DISC1: variants seen among roughly 807,000 people sequenced by gnomAD.
DISC1 encodes DISC1 scaffold protein, also known as disrupted in schizophrenia 1 protein.
DISC1 carries 57 observed loss-of-function variants against 84.5 expected under a neutral mutation model. The observed-to-expected ratio is 0.67, with a 90% CI of 0.55 to 0.84. DISC1 has a LOEUF of 0.84. Among genes scored for constraint, DISC1 ranks in the 40% least tolerant of loss-of-function variants. DISC1 has a pLI of 0.00. For synonymous variants in DISC1, 411 were observed against 415.2 expected, an observed-to-expected ratio of 0.99 and a Z score of 0.12; for missense variants, 1,000 against 1,057.8, an observed-to-expected ratio of 0.95 and a Z score of 0.76.
intron 9 of DISC1, among the ~76,000 whole-genome samples, chr1:231,898,064 A>C (rs939064432): frequency 6.6e-6 from 1 of 152,222 alleles, no homozygotes; most frequent in Admixed American, 6.5e-5. Context: ...CACATTAGAC[A>C]AAACAGCAAG....
chr1:231,849,400 G>A (rs779205897), intron 9 of DISC1, among the ~76,000 whole-genome samples: 18 of 152,274 alleles, frequency 1.2e-4, no homozygotes, highest in East Asian at 9.7e-4. Flanking sequence ...GATTACAGGC[G>A]TGAGCCACCG....
intron 6 of DISC1, among the ~76,000 whole-genome samples, chr1:231,787,461 A>G (rs1283664305): frequency 6.6e-6 from 1 of 152,030 alleles, no homozygotes; most frequent in African/African-American, 2.4e-5. Flanking sequence ...AGAGAGAGAA[A>G]GAGAGAGACA....
intron 4 of DISC1, among the ~76,000 whole-genome samples, chr1:231,766,486 G>A (rs1294926417): frequency 1.3e-5 from 2 of 152,094 alleles, no homozygotes; most frequent in African/African-American, 4.8e-5. Context: ...GATTGTGGGA[G>A]AAAATCTTCT....
chr1:231,950,204 CTGTGTGTGTGTGTGTGTGTGTGTGTG>C (rs59801477), intron 9 of DISC1, among the ~76,000 whole-genome samples: 6 of 139,440 alleles, frequency 4.3e-5, no homozygotes, highest in African/African-American at 1.1e-4. Context: ...AAAAAAAATT[CTGTGTGTGTGTGTGTGTGTGTGTGTG>C]TGTGTGTGTG....
At chr1:231,926,771 T>A (rs977228814) in intron 9 of DISC1, among the ~76,000 whole-genome samples, 1 of 152,110 alleles carries the variant, frequency 6.6e-6, no homozygotes, top group Non-Finnish European at 1.5e-5. Context: ...GGGCAGAGAT[T>A]TATTCCTCCA....
At chr1:231,724,196 T>G in intron 3 of DISC1, 1 of 308,928 alleles carries the variant, frequency 3.2e-6, no homozygotes, top group Non-Finnish European at 4.7e-6. Flanking sequence ...GCAGGGCTGC[T>G]TCCCTGGGCT....
intron 10 of DISC1, among the ~76,000 whole-genome samples, chr1:231,959,866 G>A (rs1413875300): frequency 6.6e-6 from 1 of 152,218 alleles, no homozygotes; most frequent in East Asian, 1.9e-4. Context: ...TCCGCTCTGA[G>A]TCTGGCCTTC....
At chr1:231,995,153 A>T (rs1373851237) in intron 10 of DISC1, among the ~76,000 whole-genome samples, 3 of 149,752 alleles carry the variant, frequency 2.0e-5, no homozygotes, top group African/African-American at 7.3e-5. Context: ...TAATAACAAC[A>T]TTTTTTTTTT....
chr1:231,895,002 A>T (rs1416739491), intron 9 of DISC1, among the ~76,000 whole-genome samples: 1 of 151,762 alleles, frequency 6.6e-6, no homozygotes, highest in Admixed American at 6.6e-5. Flanking sequence ...GGGAATATTT[A>T]ATCAATTTAT....
intron 3 of DISC1, chr1:231,723,850 C>T: frequency 1.0e-6 from 1 of 985,424 alleles, no homozygotes; most frequent in Non-Finnish European, 1.2e-6. Context: ...GCTACATCTT[C>T]TTACCCAAAC....
chr1:231,959,733 G>A (rs111623310), intron 10 of DISC1, among the ~76,000 whole-genome samples: 23 of 152,278 alleles, frequency 1.5e-4, no homozygotes, highest in African/African-American at 4.6e-4. Context: ...TTGGAAAGCC[G>A]TCCTATAACC....
chr1:231,742,885 T>C (rs1038862172), intron 3 of DISC1, among the ~76,000 whole-genome samples: 4 of 152,186 alleles, frequency 2.6e-5, no homozygotes, highest in Non-Finnish European at 5.9e-5. Context: ...GAGCAACACT[T>C]TGTCTTAAAA....
intron 8 of DISC1, among the ~76,000 whole-genome samples, chr1:231,814,421 C>T (rs1311090153): frequency 1.3e-5 from 2 of 152,196 alleles, no homozygotes; most frequent in East Asian, 1.9e-4. Context: ...GAATTTTTAT[C>T]TTATACTTAA....
intron 4 of DISC1, among the ~76,000 whole-genome samples, chr1:231,758,179 C>T (rs1387454539): frequency 2.0e-5 from 3 of 151,890 alleles, no homozygotes; most frequent in Non-Finnish European, 4.4e-5. Context: ...ATTGAATTTT[C>T]CTCTTTCTCA....
chr1:232,021,333 T>TACACACACACACACACAC (rs36231584), intron 11 of DISC1, among the ~76,000 whole-genome samples: 1 of 148,132 alleles, frequency 6.8e-6, no homozygotes, highest in Non-Finnish European at 1.5e-5. Flanking sequence ...ACTTGTTCTA[T>TACACACACACACACACAC]ACACACACAC....
intron 1 of DISC1, among the ~76,000 whole-genome samples, chr1:231,636,604 T>C (rs900567429): frequency 6.6e-6 from 1 of 152,214 alleles, no homozygotes. Context: ...ATTGTGTTTT[T>C]GAAACTTTTT....
chr1:232,006,499 G>A (rs1667459923), intron 10 of DISC1, among the ~76,000 whole-genome samples: 1 of 152,104 alleles, frequency 6.6e-6, no homozygotes, highest in Admixed American at 6.5e-5. Flanking sequence ...CGGGAACTTT[G>A]AACTTGAGAG....
intron 9 of DISC1, among the ~76,000 whole-genome samples, chr1:231,905,733 T>G (rs549103882): frequency 6.6e-6 from 1 of 152,226 alleles, no homozygotes; most frequent in South Asian, 2.1e-4. Context: ...GGGACCCTTT[T>G]GTTGTTATAA....
intron 9 of DISC1, among the ~76,000 whole-genome samples, chr1:231,849,122 A>ATT (rs35286886): frequency 0.56 from 79,827 of 141,402 alleles, 23,031 homozygotes; most frequent in East Asian, 0.82. Flanking sequence ...TATTATCCTC[A>ATT]TTTTTTTTTT....
Sources: allele counts gnomAD v4.1 joint callset (sites outside exome capture counted in the v4.1 genomes callset), GRCh38; gene constraint gnomAD v4.1.1; transcripts MANE v1.5; gene names NCBI Gene and HGNC (gene_info 2026-07-23, HGNC 2026-07-21).